PRKAR1B: variants seen among roughly 807,000 people sequenced by gnomAD.
PRKAR1B encodes the protein protein kinase cAMP-dependent type I regulatory subunit beta.
In PRKAR1B, 22 loss-of-function variants were observed where a neutral mutation model predicts 46.5. That is an observed-to-expected ratio of 0.47 (90% CI 0.34 to 0.68). The LOEUF is 0.68. PRKAR1B is among the 30% of genes least tolerant of loss of function. The probability of loss-of-function intolerance (pLI) is 0.01; values close to 1 mark genes in which losing one functional copy is unlikely to be tolerated. For missense variants in PRKAR1B, 445 were observed against 535.6 expected, an observed-to-expected ratio of 0.83 and a Z score of 1.67; for synonymous variants, 259 against 217.7, an observed-to-expected ratio of 1.19 and a Z score of -1.67.
At chr7:708,124 C>T (rs963587821) in intron 2 of PRKAR1B, among the ~76,000 whole-genome samples, 1 of 151,748 alleles carries the variant, frequency 6.6e-6, no homozygotes, top group Non-Finnish European at 1.5e-5. Flanking sequence ...CACCCAAAAT[C>T]GCCAGAACCA....
At chr7:624,517 A>G (rs1232660073) in intron 4 of PRKAR1B, among the ~76,000 whole-genome samples, 2 of 152,208 alleles carry the variant, frequency 1.3e-5, no homozygotes, top group African/African-American at 2.4e-5. Flanking sequence ...TTTAAAATAT[A>G]TAAGATGTGG....
rs148168414 is a variant in PRKAR1B at position 665,871 on chromosome 7, G to C, written c.440+11358C>G. 8.5e-3 allele frequency among the ~76,000 whole-genome samples: 1,295 copies of C among 152,288 alleles called. 14 individuals carry two copies. Among genetic ancestry groups the C allele is most frequent in the Middle Eastern group, 0.031 (9 of 294 alleles). On this transcript the variant is annotated intron_variant, in intron 4 of 10. Coordinates refer to ENST00000537384, the MANE Select transcript of PRKAR1B (RefSeq NM_001164760.2). ...GTGGAAAAACAGACTGCAGAGATAC[G>C]CGGGTGGGAGGAAGAGAAACAGCGA... is the stretch of plus-strand genomic sequence containing the variant.
chr7:601,112 C>A (rs545214388), intron 6 of PRKAR1B, among the ~76,000 whole-genome samples: 241 of 152,338 alleles, frequency 1.6e-3, no homozygotes, highest in Middle Eastern at 3.4e-3. Context: ...AGGGCCAGGT[C>A]CTTGAGGGGA....
At chr7:673,574 G>A (rs1043806770) in intron 4 of PRKAR1B, among the ~76,000 whole-genome samples, 21 of 151,372 alleles carry the variant, frequency 1.4e-4, no homozygotes, top group Non-Finnish European at 3.1e-4. Flanking sequence ...ACGTGAACCT[G>A]TGAGGCAGAG....
At chr7:727,446 G>T, upstream of PRKAR1B, 1 of 324,126 alleles carries the variant, frequency 3.1e-6, no homozygotes, top group Non-Finnish European at 4.7e-6. Flanking sequence ...CAACATCCCG[G>T]ACCCCCCATG....
intron 4 of PRKAR1B, among the ~76,000 whole-genome samples, chr7:640,163 GAA>G (rs78525437): frequency 4.1e-5 from 5 of 121,600 alleles, no homozygotes; most frequent in Admixed American, 8.5e-5. Flanking sequence ...ACTCCGTCTC[GAA>G]AAAAAAAAAA....
chr7:588,723 G>GTGGTGGTGATGGTGATGGTGGTGATGT (rs1562542087), intron 7 of PRKAR1B, among the ~76,000 whole-genome samples: 5 of 15,746 alleles, frequency 3.2e-4, no homozygotes, highest in Non-Finnish European at 5.1e-4. Context: ...GGTGGTGATG[G>GTGGTGGTGATGGTGATGGTGGTGATGT]TGGTGAGGAT....
intron 3 of PRKAR1B, among the ~76,000 whole-genome samples, chr7:679,210 A>C (rs986045834): frequency 2.0e-5 from 3 of 152,254 alleles, no homozygotes; most frequent in Non-Finnish European, 1.5e-5. Context: ...TGATGCATTT[A>C]TCACAACTGG....
intron 1 of PRKAR1B, among the ~76,000 whole-genome samples, chr7:718,436 A>C (rs1416341047): frequency 6.7e-6 from 1 of 150,322 alleles, no homozygotes; most frequent in Non-Finnish European, 1.5e-5. Context: ...AGCTCACTGC[A>C]ACCTCTGGCT....
intron 2 of PRKAR1B, among the ~76,000 whole-genome samples, chr7:692,522 T>G (rs997960828): frequency 6.6e-6 from 1 of 152,060 alleles, no homozygotes; most frequent in Admixed American, 6.6e-5. Context: ...TGGGCCTTTG[T>G]AGAAATTACT....
At chr7:561,697 C>G (rs1473658377) in intron 9 of PRKAR1B, among the ~76,000 whole-genome samples, 1 of 152,266 alleles carries the variant, frequency 6.6e-6, no homozygotes, top group Non-Finnish European at 1.5e-5. Context: ...CGAAAACACA[C>G]TTCAGCGGGC....
At chr7:565,053 A>G (rs982833697) in intron 9 of PRKAR1B, 4 of 152,212 alleles carry the variant, frequency 2.6e-5, no homozygotes, top group Admixed American at 6.5e-5. Flanking sequence ...CACAGCCAGG[A>G]GTGGAAGGAG....
At chr7:605,864 G>A (rs1338930504) in intron 6 of PRKAR1B, among the ~76,000 whole-genome samples, 2 of 152,098 alleles carry the variant, frequency 1.3e-5, no homozygotes, top group African/African-American at 2.4e-5. Context: ...TGTATTCATC[G>A]GCCTCGGATC....
In PRKAR1B at chr7:711,580, G is replaced by A. The variant is rs572014163; in HGVS notation, c.-22-53C>T. The A allele has an allele frequency of 8.0e-4, 1,218 of 1,521,678 alleles. 9 individuals carry two copies. The Middle Eastern group carries it at 0.01, about 13-fold the overall frequency. The allele number at this position is 1,521,678 out of a possible 1,614,324, so 94.3% of individuals were successfully genotyped here. On this transcript the variant is annotated intron_variant, in intron 1 of 10. Coordinates refer to ENST00000537384, the MANE Select transcript of PRKAR1B (RefSeq NM_001164760.2). ...GCCTGAGAGCTGCCCGGGGCTGCGC[G>A]CCGGATAAACGCAGGCGGCGTGAAC...
chr7:678,202 G>A (rs35939793), intron 3 of PRKAR1B, among the ~76,000 whole-genome samples: 10,549 of 152,270 alleles, frequency 0.069, 552 homozygotes, highest in Middle Eastern at 0.18. Flanking sequence ...CCGGGAGGTG[G>A]AGGTTGCCAT....
chr7:598,686 G>A (rs9719145), intron 6 of PRKAR1B, among the ~76,000 whole-genome samples: 84,865 of 152,036 alleles, frequency 0.56, 24,604 homozygotes, highest in South Asian at 0.82. Flanking sequence ...CTTCTGTTCC[G>A]ATGCAGGGGC....
At chr7:650,642 G>A (rs1009104880) in intron 4 of PRKAR1B, among the ~76,000 whole-genome samples, 4 of 152,248 alleles carry the variant, frequency 2.6e-5, no homozygotes, top group African/African-American at 9.6e-5. Flanking sequence ...ATGGCGGTGG[G>A]TGGGGGCTCT....
At chr7:607,611 G>T (rs1782172267) in intron 4 of PRKAR1B, among the ~76,000 whole-genome samples, 159 bp from the exon 5 acceptor site, 1 of 152,166 alleles carries the variant, frequency 6.6e-6, no homozygotes, top group South Asian at 2.1e-4. Context: ...AATCCTTCAT[G>T]ACCCGAAGGC....
chr7:614,614 A>C (rs1782702236), intron 4 of PRKAR1B, among the ~76,000 whole-genome samples: 1 of 152,072 alleles, frequency 6.6e-6, no homozygotes. Flanking sequence ...AAAAGTAAAA[A>C]AATTGGCTGG....
Sources: gnomAD v4.1 joint callset for allele counts (sites outside exome capture counted in the v4.1 genomes callset) on GRCh38, gnomAD v4.1.1 for gene constraint, MANE v1.5 for transcripts, NCBI Gene and HGNC (gene_info 2026-07-23, HGNC 2026-07-21) for gene names.